Variants in CBLB observed in about 807,000 individuals in gnomAD.
The protein encoded by CBLB is E3 ubiquitin-protein ligase CBL-B.
CBLB carries 31 observed loss-of-function variants against 104.9 expected under a neutral mutation model. The observed-to-expected ratio is 0.30, with a 90% CI of 0.22 to 0.40. CBLB has a LOEUF of 0.40. CBLB is among the 10% of genes least tolerant of loss of function. The pLI is 1.00. For synonymous variants in CBLB, 440 were observed against 422.6 expected, an observed-to-expected ratio of 1.04 and a Z score of -0.51; for missense variants, 1,062 against 1,214.6, an observed-to-expected ratio of 0.87 and a Z score of 1.87.
At chr3:105,808,287 T>C (rs550329380) in intron 3 of CBLB, among the ~76,000 whole-genome samples, 2 of 152,338 alleles carry the variant, frequency 1.3e-5, no homozygotes, top group East Asian at 1.9e-4. Flanking sequence ...TAAAAATCTT[T>C]AGCTTAATAC....
chr3:105,745,814 C>T, intron 6 of CBLB, 103 bp downstream of exon 6: 1 of 1,062,576 alleles, frequency 9.4e-7, no homozygotes, highest in Non-Finnish European at 1.5e-6. Flanking sequence ...AGCCCCCTCC[C>T]AAGCATGCCA....
rs553302125 is a variant in CBLB at position 105,792,891 on chromosome 3, G to A, written c.420-16349C>T. On this transcript the variant is annotated intron_variant, in intron 3 of 18. Coordinates refer to ENST00000394030, the MANE Select transcript of CBLB (RefSeq NM_170662.5). ...TTCTATCCTTAAGGTCAGGAAAGGA[G>A]GAAACAAATTTAAAAAGGTAAGACC... is the stretch of plus-strand genomic sequence containing the variant. 3.3e-4 allele frequency among the ~76,000 whole-genome samples: 50 copies of A among 152,084 alleles called. 1 individual carries two copies. Among genetic ancestry groups the A allele is most frequent in the Admixed American group, 7.9e-4 (12 of 15,276 alleles).
chr3:105,721,371 T>C (rs2072791058), intron 9 of CBLB, among the ~76,000 whole-genome samples: 1 of 152,184 alleles, frequency 6.6e-6, no homozygotes, highest in Non-Finnish European at 1.5e-5. Context: ...TCTCTCACTC[T>C]CTTCTCACTG....
chr3:105,749,903 T>TA, intron 5 of CBLB: 1 of 159,694 alleles, frequency 6.3e-6, no homozygotes, highest in Non-Finnish European at 1.4e-5. Context: ...ATCACGAATT[T>TA]AAAAAATTTA....
chr3:105,671,658 T>C (rs2065074080), intron 17 of CBLB: 1 of 205,106 alleles, frequency 4.9e-6, no homozygotes, highest in African/African-American at 2.3e-5. Context: ...TAGGCTTAAA[T>C]ATTGACTATT....
intron 3 of CBLB, among the ~76,000 whole-genome samples, chr3:105,841,546 G>A (rs557472232): frequency 2.0e-4 from 30 of 151,358 alleles, no homozygotes; most frequent in South Asian, 1.3e-3. Context: ...TCCGCCTCCC[G>A]GATTCACGCC....
chr3:105,699,885 A>G (rs757350534), intron 12 of CBLB, among the ~76,000 whole-genome samples: 13 of 152,178 alleles, frequency 8.5e-5, no homozygotes, highest in Non-Finnish European at 1.9e-4. Context: ...CAAATCTAAG[A>G]GTAACATGAA....
chr3:105,850,687 T>A (rs528500503), intron 3 of CBLB, among the ~76,000 whole-genome samples: 1 of 152,186 alleles, frequency 6.6e-6, no homozygotes, highest in South Asian at 2.1e-4. Context: ...AAATGAAGAA[T>A]CCTGGCTATA....
chr3:105,828,419 A>G (rs1211035233), intron 3 of CBLB, among the ~76,000 whole-genome samples: 1 of 152,260 alleles, frequency 6.6e-6, no homozygotes, highest in Admixed American at 6.5e-5. Context: ...AACAATTTTC[A>G]TTAAATATTA....
chr3:105,813,608 C>T (rs1034046326), intron 3 of CBLB, among the ~76,000 whole-genome samples: 1 of 151,984 alleles, frequency 6.6e-6, no homozygotes, highest in Non-Finnish European at 1.5e-5. Flanking sequence ...AATTAAAAGT[C>T]TTTAAAGGTT....
Position 105,740,565 on chromosome 3 carries a change from C to G in CBLB, c.912G>C (p.Gly304=). 6.2e-7 allele frequency: 1 copy of G among 1,613,924 alleles called. No homozygotes were observed. Among genetic ancestry groups the G allele is most frequent in the African/African-American group, 1.3e-5 (1 of 75,030 alleles). Residue 304 remains glycine (G), a synonymous_variant, in exon 7 of 19, where the codon GGG becomes GGC. Transcript: ENST00000394030. ...TATGAGGTATGGTCTGTAAGATATTCCCATCCCCAGTCACATAGCCAATGG... is the reference window on the plus strand; with the variant it reads ...TATGAGGTATGGTCTGTAAGATATTGCCATCCCCAGTCACATAGCCAATGG... ...QWAIGYVTGD[G]NILQTIPHNK...
chr3:105,862,202 A>C (rs1259555945), intron 2 of CBLB, among the ~76,000 whole-genome samples: 1 of 152,210 alleles, frequency 6.6e-6, no homozygotes, highest in Non-Finnish European at 1.5e-5. Context: ...CTCTATGAGA[A>C]TATCTACCAA....
At chr3:105,786,475 TC>T (rs1321016855) in intron 3 of CBLB, among the ~76,000 whole-genome samples, 1 of 152,166 alleles carries the variant, frequency 6.6e-6, no homozygotes, top group Admixed American at 6.5e-5. Context: ...AGAAGGCATC[TC>T]TGGGGCACTC....
At chr3:105,719,964 TGA>T (rs780229866) in intron 10 of CBLB, 81 bp downstream of exon 10, 13 of 1,051,976 alleles carry the variant, frequency 1.2e-5, no homozygotes, top group Non-Finnish European at 1.9e-5. Flanking sequence ...TCAAATACGC[TGA>T]GTCATACTCC....
intron 17 of CBLB, among the ~76,000 whole-genome samples, chr3:105,676,081 A>G (rs2065610513): frequency 6.6e-6 from 1 of 151,760 alleles, no homozygotes; most frequent in South Asian, 2.1e-4. Context: ...AAGTCAAGAG[A>G]GAGTCAACAG....
chr3:105,761,001 A>G (rs62261491), intron 4 of CBLB, among the ~76,000 whole-genome samples: 10,442 of 152,208 alleles, frequency 0.069, 519 homozygotes, highest in Admixed American at 0.15. Flanking sequence ...GTAAATACCT[A>G]CACACTGACT....
intron 17 of CBLB, among the ~76,000 whole-genome samples, chr3:105,677,608 C>T (rs2065810923): frequency 6.6e-6 from 1 of 151,702 alleles, no homozygotes. Flanking sequence ...GGTTTCAGGG[C>T]ACAGTATCAC....
intron 4 of CBLB, 56 bp downstream of exon 4, chr3:105,776,340 G>A (rs2079456296): frequency 5.5e-6 from 8 of 1,467,764 alleles, no homozygotes; most frequent in African/African-American, 1.4e-5. Flanking sequence ...ACTGGAGGGA[G>A]GATACAGTAA....
At position 105,775,029 on chromosome 3, in the gene CBLB, A is replaced by G. The variant is rs1056125232; in HGVS notation, c.566+1367T>C. On this transcript the variant is annotated intron_variant, in intron 4 of 18. Coordinates refer to ENST00000394030, the MANE Select transcript of CBLB (RefSeq NM_170662.5). ...AAGATTGTTCTGCTTTCTACAATTA[A>G]TAAATATTTAATTAGTATAGTCTTA... Among the ~76,000 whole-genome samples the G allele has an allele frequency of 2.2e-4, 34 of 152,152 alleles. 1 individual carries two copies. The highest frequency in any genetic ancestry group is 2.2e-3 in the Admixed American group (34 of 15,270).
Sources: gnomAD v4.1 joint callset for allele counts (sites outside exome capture counted in the v4.1 genomes callset) on GRCh38, gnomAD v4.1.1 for gene constraint, MANE v1.5 for transcripts, NCBI Gene and HGNC (gene_info 2026-07-23, HGNC 2026-07-21) for gene names.